RNF40: variants seen among roughly 807,000 people sequenced by gnomAD.
RNF40 encodes ring finger protein 40.
A neutral mutation model predicts 123.3 loss-of-function variants in RNF40; 39 were observed. That is an observed-to-expected ratio of 0.32 (90% CI 0.24 to 0.41). The LOEUF is 0.41. Among genes scored for constraint, RNF40 ranks in the 10% least tolerant of loss-of-function variants. The pLI is 1.00. For synonymous variants in RNF40, 538 were observed against 526.0 expected, an observed-to-expected ratio of 1.02 and a Z score of -0.31; for missense variants, 1,003 against 1,319.9, an observed-to-expected ratio of 0.76 and a Z score of 3.72.
rs948121509 is a variant in RNF40, at chr16:30,775,228, C to T, written c.*1114C>T. The stretch of plus-strand genomic sequence containing the variant: ...GGCCGCGCACCCCAAATGTAGTCCC[C>T]CGATTTTAGCTGCAGCAGCTGAGCA... On this transcript the variant is annotated 3_prime_UTR_variant, in exon 20 of 20. Coordinates refer to ENST00000324685, the MANE Select transcript of RNF40 (RefSeq NM_014771.4). 3 of 339,758 alleles carry T rather than the reference C, an allele frequency of 8.8e-6. No homozygotes were observed. Among genetic ancestry groups the T allele is most frequent in the African/African-American group, 2.2e-5 (1 of 46,206 alleles). 21.0% of individuals were successfully genotyped at this position (339,758 alleles called of 1,614,324 possible). A position where few individuals can be genotyped will look rare whatever the true frequency, so the allele number is the denominator to read the frequency against.
At position 30,771,897 on chromosome 16, in the gene RNF40, T is replaced by C; in HGVS notation, c.2651T>C (p.Leu884Pro). The change falls in exon 18 of 20, where the codon CTG becomes CCG. Residue 884 changes from leucine to proline, a missense_variant. Leu to Pro is a moderately conservative substitution (Grantham distance 98). Transcript: ENST00000324685. ...CAGCTGGAGCACGTGCAGACTCGGC[T>C]GCGGGAGATCCAGCCCTGCCTGGCA... is the stretch of plus-strand genomic sequence containing the variant. ...KVQLEHVQTR[L>P]REIQPCLAES... The C allele has an allele frequency of 6.2e-7, 1 of 1,609,874 alleles. No homozygotes were observed. The highest frequency in any genetic ancestry group is 8.5e-7 in the Non-Finnish European group (1 of 1,177,546).
chr16:30,765,520 A>C, intron 8 of RNF40, 21 bp downstream of exon 8: 1 of 1,606,748 alleles, frequency 6.2e-7, no homozygotes, highest in Non-Finnish European at 8.5e-7. Flanking sequence ...TTTTCCTCCC[A>C]CCCCTTCTCA....
At chr16:30,767,839 G>C (rs1324054154) in intron 11 of RNF40, 55 bp from the exon 12 acceptor site, 1 of 1,612,574 alleles carries the variant, frequency 6.2e-7, no homozygotes, top group Non-Finnish European at 8.5e-7. Context: ...CTGAGGGGTT[G>C]GAGTCCTAAC....
Position 30,768,851 on chromosome 16 carries a change from G to A in RNF40, c.2111G>A (p.Arg704Gln), listed in dbSNP as rs758743526. The A allele has an allele frequency of 7.4e-6, 12 of 1,614,244 alleles. No homozygotes were observed. Among genetic ancestry groups the A allele is most frequent in the Admixed American group, 3.3e-5 (2 of 60,032 alleles). Reference protein sequence around the residue: ...RKAKAEVDELRSRIRELEERD... With the variant: ...RKAKAEVDELQSRIRELEERD... ...CCTGTGCTATAGGTTGATGAGCTGCGGAGCCGCATCCGGGAATTGGAGGAG... is the reference window on the plus strand; with the variant it reads ...CCTGTGCTATAGGTTGATGAGCTGCAGAGCCGCATCCGGGAATTGGAGGAG... Residue 704 changes from arginine (R) to glutamine (Q), a missense_variant, in exon 15 of 20, where the codon CGG becomes CAG. Physicochemically the swap from Arg to Gln is conservative, Grantham distance 43 (BLOSUM62 1). This residue lies in a region of RNF40 where 295 missense variants were observed against 331.7 expected (regional missense o/e 0.89). Coordinates refer to ENST00000324685, the MANE Select transcript of RNF40 (RefSeq NM_014771.4). This position sits in a 1 kb window ranked among gnomAD's most constrained non-coding sequence, Gnocchi z 4.1.
chr16:30,772,246 T>C (rs1163957487), intron 19 of RNF40, 56 bp downstream of exon 19: 31 of 1,388,610 alleles, frequency 2.2e-5, no homozygotes, highest in Non-Finnish European at 3.1e-5. Context: ...GATGCAGGAT[T>C]GCTGAGACTA....
At chr16:30,762,410 G>T (rs2053869477) in intron 1 of RNF40, 50 bp downstream of exon 1, 1 of 937,284 alleles carries the variant, frequency 1.1e-6, no homozygotes, top group East Asian at 2.8e-5. Context: ...TGTGTGCAGG[G>T]TGGAGGGTGT....
In RNF40 at chr16:30,762,572, C is replaced by G. The variant is rs772623898; in HGVS notation, c.27C>G (p.Ala9=). 6.2e-7 allele frequency: 1 copy of G among 1,601,372 alleles called. No homozygotes were observed. The highest frequency in any genetic ancestry group is 8.5e-7 in the Non-Finnish European group (1 of 1,177,314). Residue 9 remains alanine (A), a synonymous_variant, in exon 2 of 20, where the codon GCC becomes GCG. Transcript: ENST00000324685. ...TGTCTGGGCCAGGCAACAAACGCGC[C>G]GCCGGCGACGGGGGCTCAGGGCCCC... MSGPGNKR[A]AGDGGSGPPE...
chr16:30,767,835 G>C (rs749813971), intron 11 of RNF40, 59 bp from the exon 12 acceptor site: 12 of 1,612,430 alleles, frequency 7.4e-6, no homozygotes, highest in Non-Finnish European at 1.0e-5. Context: ...CCCACTGAGG[G>C]GTTGGAGTCC....
At chr16:30,770,175 C>T (rs1450362705) in intron 17 of RNF40, among the ~76,000 whole-genome samples, 3 of 136,946 alleles carry the variant, frequency 2.2e-5, no homozygotes, top group Admixed American at 8.3e-5. Context: ...GGTGCGATCT[C>T]GGCTCACTGC....
chr16:30,766,555 G>A lies in RNF40; in HGVS notation c.1290G>A (p.Met430Ile), dbSNP rs1166993976. 1 of 1,608,554 alleles carries A rather than the reference G, an allele frequency of 6.2e-7. No individual in the cohort carries two copies. Among genetic ancestry groups the A allele is most frequent in the South Asian group, 1.1e-5 (1 of 90,364 alleles). The change falls in exon 10 of 20, where the codon ATG becomes ATA. Residue 430 changes from methionine (M) to isoleucine (I), a missense_variant. This residue lies in a region of RNF40 where 274 missense variants were observed against 356.9 expected (regional missense o/e 0.77). Transcript: ENST00000324685. This position sits in a 1 kb window ranked among gnomAD's most constrained non-coding sequence, Gnocchi z 5.4. Reference protein sequence around the residue: ...KNSHLRHIEHMESDELGLQKK... With the variant: ...KNSHLRHIEHIESDELGLQKK... ...CCCACCTGCGACACATCGAGCACAT[G>A]GAGGTATGGCCCTGGAACAGGCGTT...
chr16:30,765,381 C>T (rs764022995), intron 7 of RNF40, 44 bp from the exon 8 acceptor site: 25 of 1,613,808 alleles, frequency 1.5e-5, no homozygotes, highest in Non-Finnish European at 1.9e-5. Context: ...TGGGCCTTAG[C>T]TCCTCCCCTC....
Position 30,766,860 on chromosome 16 carries a change from G to C in RNF40, c.1413G>C (p.Ala471=), listed in dbSNP as rs761945814. The change falls in exon 11 of 20, where the codon GCG becomes GCC. Residue 471 remains alanine, a synonymous_variant. Coordinates refer to ENST00000324685, the MANE Select transcript of RNF40 (RefSeq NM_014771.4). This position sits in a 1 kb window ranked among gnomAD's most constrained non-coding sequence, Gnocchi z 5.4. ...MLRIEFEQNL[A]ANEQAGPINR... ...GCATCGAGTTTGAGCAGAATCTGGCGGCCAACGAGCAGGCGGGTATGTGGT... is the reference window on the plus strand; with the variant it reads ...GCATCGAGTTTGAGCAGAATCTGGCCGCCAACGAGCAGGCGGGTATGTGGT... The C allele has an allele frequency of 2.5e-6, 4 of 1,613,484 alleles. No individual in the cohort carries two copies. The highest frequency in any genetic ancestry group is 3.4e-6 in the Non-Finnish European group (4 of 1,179,956).
chr16:30,763,598 T>G (rs1296164673), intron 4 of RNF40, 39 bp downstream of exon 4: 1 of 1,610,076 alleles, frequency 6.2e-7, no homozygotes, highest in Admixed American at 1.7e-5. Context: ...GCTTAAGTTC[T>G]GGGAGAAGTC....
At chr16:30,764,758 G>C (rs2053996502) in intron 5 of RNF40, among the ~76,000 whole-genome samples, 180 bp from the exon 6 acceptor site, 1 of 152,202 alleles carries the variant, frequency 6.6e-6, no homozygotes, top group South Asian at 2.1e-4. Flanking sequence ...TGGGAAAGTG[G>C]CTCCCCTCTC....
In RNF40 at chr16:30,765,049, T is replaced by C; in HGVS notation, c.761T>C (p.Ile254Thr). ...ATQLQEKHHR[I>T]SLEYSELQDK... ...CAGCTGCAGGAGAAACACCACCGCA[T>C]CTCATTGGAGGTGAGGAGCCGGGGG... is the stretch of plus-strand genomic sequence containing the variant. Residue 254 changes from isoleucine to threonine, a missense_variant, in exon 6 of 20, where the codon ATC becomes ACC. By Grantham distance (89) the Ile-to-Thr change is moderately conservative (BLOSUM62 -1). Coordinates refer to ENST00000324685, the MANE Select transcript of RNF40 (RefSeq NM_014771.4). 5.0e-6 allele frequency: 8 copies of C among 1,614,006 alleles called. No homozygotes were observed. Among genetic ancestry groups the C allele is most frequent in the Non-Finnish European group, 6.8e-6 (8 of 1,179,996 alleles).
Position 30,774,829 on chromosome 16 carries a change from A to T in RNF40, c.*715A>T, listed in dbSNP as rs2054205502. The T allele has an allele frequency of 2.6e-6, 1 of 379,488 alleles. No individual in the cohort carries two copies. 23.5% of individuals were successfully genotyped at this position (379,488 alleles called of 1,614,324 possible). A position where few individuals can be genotyped will look rare whatever the true frequency, so the allele number is the denominator to read the frequency against. ...CAATCTCCATTTCTCTGCCAAGCCCATTTACCCCCACCTCATGCATCCCAA... is the reference window on the plus strand; with the variant it reads ...CAATCTCCATTTCTCTGCCAAGCCCTTTTACCCCCACCTCATGCATCCCAA... On this transcript the variant is annotated 3_prime_UTR_variant, in exon 20 of 20. Transcript: ENST00000324685.
chr16:30,762,536 C>T lies in RNF40; in HGVS notation c.-10C>T. ...TCAGGGGACCCTGCATCGCTCCAGC[C>T]GCCGCGGCCATGTCTGGGCCAGGCA... is the stretch of plus-strand genomic sequence containing the variant. On this transcript the variant is annotated 5_prime_UTR_variant, in exon 2 of 20. Coordinates refer to ENST00000324685, the MANE Select transcript of RNF40 (RefSeq NM_014771.4). The T allele has an allele frequency of 6.3e-7, 1 of 1,581,486 alleles. No homozygotes were observed.
rs1193149204 is a variant in RNF40, at chr16:30,775,071, G to C, written c.*957G>C. ...ATGCTCCATCGGCTGTGAGGGCAGTGCCCGGAGAGGCCAGAGGGTTGGAGC... is the reference window on the plus strand; with the variant it reads ...ATGCTCCATCGGCTGTGAGGGCAGTCCCCGGAGAGGCCAGAGGGTTGGAGC... On this transcript the variant is annotated 3_prime_UTR_variant, in exon 20 of 20. Transcript: ENST00000324685. 4.4e-6 allele frequency: 2 copies of C among 456,250 alleles called. No individual in the cohort carries two copies. The highest frequency in any genetic ancestry group is 2.0e-5 in the African/African-American group (1 of 50,216). The allele number at this position is 456,250 out of a possible 1,614,324, so 28.3% of individuals were successfully genotyped here.
At chr16:30,762,978 CCTT>C in intron 2 of RNF40, 137 bp from the exon 3 acceptor site, 1 of 979,576 alleles carries the variant, frequency 1.0e-6, no homozygotes, top group Non-Finnish European at 1.5e-6. Context: ...GTCTGAGCCT[CCTT>C]AGATTCTGTT....
Sources: gnomAD v4.1 joint callset for allele counts (sites outside exome capture counted in the v4.1 genomes callset) on GRCh38, gnomAD v4.1.1 for gene constraint, gnomAD v4.1.1 regional missense constraint, Gnocchi (gnomAD v3.1) non-coding constraint, MANE v1.5 for transcripts, NCBI Gene and HGNC (gene_info 2026-07-23, HGNC 2026-07-21) for gene names.